The following MSANTD3 variants were observed in gnomAD, a reference collection of about 807,000 sequenced individuals.
The protein encoded by MSANTD3 is Myb/SANT DNA binding domain containing 3.
In MSANTD3, 11 loss-of-function variants were observed where a neutral mutation model predicts 27.7. The observed-to-expected ratio is 0.40, with a 90% CI of 0.25 to 0.66. The LOEUF (loss-of-function observed/expected upper bound fraction) is 0.66, where lower values mean the gene tolerates loss of function less well. Ranked by LOEUF, MSANTD3 falls within the 30% of genes least tolerant of loss-of-function variation. The pLI is 0.41. For synonymous variants in MSANTD3, 131 were observed against 127.2 expected, an observed-to-expected ratio of 1.03 and a Z score of -0.20; for missense variants, 250 against 336.5, an observed-to-expected ratio of 0.74 and a Z score of 2.01.
chr9:100,449,225 T>A, intron 2 of MSANTD3: 1 of 985,424 alleles, frequency 1.0e-6, no homozygotes, highest in Non-Finnish European at 1.2e-6. Flanking sequence ...TTGACACTGA[T>A]GTTACTGCTC....
At position 100,440,199 on chromosome 9, in the gene MSANTD3, G is replaced by T. The variant is rs1038539718; in HGVS notation, c.-33-1707G>T. Among the ~76,000 whole-genome samples the T allele has an allele frequency of 1.5e-4, 23 of 152,142 alleles. 1 individual carries two copies. The highest frequency in any genetic ancestry group is 6.5e-5 in the Admixed American group (1 of 15,276). ...TAGAGGATGACAAAGTGACTTATGG[G>T]AATCATGGTTGAATCATTTGGAGTG... On this transcript the variant is annotated intron_variant, in intron 1 of 2. Transcript: ENST00000395067.
intron 1 of MSANTD3, among the ~76,000 whole-genome samples, chr9:100,441,291 A>G (rs992979001): frequency 3.3e-5 from 5 of 152,034 alleles, no homozygotes; most frequent in Admixed American, 2.0e-4. Flanking sequence ...GGCTAACATG[A>G]TTTGGGGGAA....
chr9:100,443,075 A>G lies in MSANTD3; in HGVS notation c.418+719A>G, dbSNP rs367831927. Among the ~76,000 whole-genome samples, 5 of 152,240 alleles carry G rather than the reference A, an allele frequency of 3.3e-5. No homozygotes were observed. In the East Asian group the frequency reaches 9.7e-4, roughly 29 times the overall value. Reference sequence around the variant, plus strand: ...TGGAGGTCCTTATTATTTGCAAAGCATTGCAGTAGGCCACTCAAAAGGCCA... The same window carrying G: ...TGGAGGTCCTTATTATTTGCAAAGCGTTGCAGTAGGCCACTCAAAAGGCCA... On this transcript the variant is annotated intron_variant, in intron 2 of 2. Transcript: ENST00000395067.
At chr9:100,439,188 A>G (rs1384999224) in intron 1 of MSANTD3, among the ~76,000 whole-genome samples, 1 of 151,824 alleles carries the variant, frequency 6.6e-6, no homozygotes, top group African/African-American at 2.4e-5. Flanking sequence ...TAAAGACCAC[A>G]CTCCTTGGCG....
chr9:100,442,904 A>T (rs1220456771), intron 2 of MSANTD3, among the ~76,000 whole-genome samples: 1 of 152,044 alleles, frequency 6.6e-6, no homozygotes, highest in Admixed American at 6.6e-5. Flanking sequence ...TTACTTAAAC[A>T]TAAAGAAAAA....
rs1209078461 is a variant in MSANTD3 at position 100,427,172 on chromosome 9, C to T, written c.-255C>T. ...GCGGCGCCGACGGACCGGCAGGCGG[C>T]GGGCGGTCCGCGAGGGGGCGGCGGC... On this transcript the variant is annotated 5_prime_UTR_variant, in exon 1 of 3. Coordinates refer to ENST00000395067, the MANE Select transcript of MSANTD3 (RefSeq NM_080655.3). The T allele has an allele frequency of 6.8e-6, 1 of 146,994 alleles. No homozygotes were observed. The highest frequency in any genetic ancestry group is 1.5e-5 in the Non-Finnish European group (1 of 66,158). 9.1% of individuals were successfully genotyped at this position (146,994 alleles called of 1,614,324 possible). A position where few individuals can be genotyped will look rare whatever the true frequency, so the allele number is the denominator to read the frequency against.
At chr9:100,443,412 A>G (rs1228778825) in intron 2 of MSANTD3, among the ~76,000 whole-genome samples, 1 of 152,136 alleles carries the variant, frequency 6.6e-6, no homozygotes, top group Non-Finnish European at 1.5e-5. Context: ...AAAAAAAAAA[A>G]AGAACTATTT....
rs1173258814 is a variant in MSANTD3, at chr9:100,451,584, G to A, written c.*618G>A. On this transcript the variant is annotated 3_prime_UTR_variant, in exon 3 of 3. Coordinates refer to ENST00000395067, the MANE Select transcript of MSANTD3 (RefSeq NM_080655.3). ...ATGTGGCTCATAAACCACCTTTTAA[G>A]GCCTTTCCTCAAACAGGAGTTCTAA... 6.6e-6 allele frequency: 1 copy of A among 151,558 alleles called. No individual in the cohort carries two copies. Among genetic ancestry groups the A allele is most frequent in the Admixed American group, 6.6e-5 (1 of 15,210 alleles). The allele number at this position is 151,558 out of a possible 1,614,324, so 9.4% of individuals were successfully genotyped here. A position where few individuals can be genotyped will look rare whatever the true frequency, so the allele number is the denominator to read the frequency against.
At position 100,441,907 on chromosome 9, in the gene MSANTD3, A is replaced by G. The variant is rs1317284760; in HGVS notation, c.-32A>G. On this transcript the variant is annotated splice_region_variant and 5_prime_UTR_variant, in exon 2 of 3. Transcript: ENST00000395067. ...ATTGCTTCAAACTTCCTTTTACAGG[A>G]TAGCTAGCGGCCAGGAGAAATACAG... 1 of 1,560,616 alleles carries G rather than the reference A, an allele frequency of 6.4e-7. No homozygotes were observed. Among genetic ancestry groups the G allele is most frequent in the East Asian group, 2.3e-5 (1 of 44,350 alleles).
intron 1 of MSANTD3, among the ~76,000 whole-genome samples, chr9:100,427,724 C>G (rs1836277585): frequency 6.6e-6 from 1 of 152,170 alleles, no homozygotes; most frequent in Admixed American, 6.5e-5. Flanking sequence ...GTACCGCGGT[C>G]TTCCCATCCC....
chr9:100,450,264 AG>A (rs1282845120), intron 2 of MSANTD3, among the ~76,000 whole-genome samples: 1 of 152,210 alleles, frequency 6.6e-6, no homozygotes, highest in East Asian at 1.9e-4. Context: ...CAACATAAAA[AG>A]GTCTCTGATT....
chr9:100,444,713 G>A (rs887212257), intron 2 of MSANTD3: 1 of 156,764 alleles, frequency 6.4e-6, no homozygotes, highest in Admixed American at 6.3e-5. Context: ...GGCCTGGACA[G>A]TCTTGTTTCC....
intron 2 of MSANTD3, among the ~76,000 whole-genome samples, chr9:100,447,031 T>C (rs1167131052): frequency 3.3e-5 from 5 of 152,150 alleles, no homozygotes; most frequent in African/African-American, 1.2e-4. Flanking sequence ...CCTGCTGATA[T>C]TAAACTTACT....
intron 1 of MSANTD3, among the ~76,000 whole-genome samples, chr9:100,439,515 TAA>T (rs1836552129): frequency 6.6e-6 from 1 of 151,002 alleles, no homozygotes; most frequent in African/African-American, 2.4e-5. Flanking sequence ...TTTTTTTTTT[TAA>T]TTTTTTTTTC....
At chr9:100,448,074 C>T (rs1836798393) in intron 2 of MSANTD3, 6 of 300,598 alleles carry the variant, frequency 2.0e-5, no homozygotes, top group Non-Finnish European at 2.9e-5. Context: ...TGCCTGTAGT[C>T]CCAGCTAGTT....
At chr9:100,434,056 G>A (rs1282548493) in intron 1 of MSANTD3, among the ~76,000 whole-genome samples, 1 of 152,116 alleles carries the variant, frequency 6.6e-6, no homozygotes, top group Admixed American at 6.5e-5. Context: ...GTCTTCATGG[G>A]ACTCTGATGT....
chr9:100,442,422 AC>A, intron 2 of MSANTD3, 66 bp downstream of exon 2: 6 of 1,512,780 alleles, frequency 4.0e-6, no homozygotes, highest in Non-Finnish European at 5.3e-6. Context: ...TAATTTTAAA[AC>A]CCTCCACTTT....
rs893935658 is a variant in MSANTD3, at chr9:100,451,444, G to A, written c.*478G>A. The stretch of plus-strand genomic sequence containing the variant: ...ATGCTGTTGCTCAGAACTTGCTAGA[G>A]GTCTTTAGGGAACCTCCGTGAGAGC... On this transcript the variant is annotated 3_prime_UTR_variant, in exon 3 of 3. Coordinates refer to ENST00000395067, the MANE Select transcript of MSANTD3 (RefSeq NM_080655.3). The A allele has an allele frequency of 7.3e-5, 11 of 151,084 alleles. No homozygotes were observed. The highest frequency in any genetic ancestry group is 2.7e-4 in the African/African-American group (11 of 40,894). 9.4% of individuals were successfully genotyped at this position (151,084 alleles called of 1,614,324 possible). A position where few individuals can be genotyped will look rare whatever the true frequency, so the allele number is the denominator to read the frequency against.
intron 2 of MSANTD3, among the ~76,000 whole-genome samples, chr9:100,450,303 A>T (rs1030401018): frequency 6.6e-6 from 1 of 152,190 alleles, no homozygotes; most frequent in African/African-American, 2.4e-5. Context: ...CTGACCACGG[A>T]TCCCATACTT....
Sources: gnomAD v4.1 joint callset for allele counts (sites outside exome capture counted in the v4.1 genomes callset) on GRCh38, gnomAD v4.1.1 for gene constraint, MANE v1.5 for transcripts, NCBI Gene and HGNC (gene_info 2026-07-23, HGNC 2026-07-21) for gene names.